Variants in SRSF11 observed in about 807,000 individuals in gnomAD.
SRSF11 encodes the protein serine and arginine rich splicing factor 11, also known as serine/arginine-rich splicing factor 11.
A neutral mutation model predicts 56.0 loss-of-function variants in SRSF11; 9 were observed. The ratio of observed to expected loss-of-function variants is 0.16; its 90% CI spans 0.10 to 0.28. The LOEUF (loss-of-function observed/expected upper bound fraction) is 0.28. Ranked by LOEUF, SRSF11 falls within the 10% of genes least tolerant of loss-of-function variation. SRSF11 has a pLI of 1.00. For missense variants in SRSF11, 421 were observed against 600.7 expected (o/e 0.70, Z 3.13); for synonymous variants, 222 against 215.3 (o/e 1.03, Z -0.27).
chr1:70,230,824 C>G, intron 2 of SRSF11: 1 of 1,171,592 alleles, frequency 8.5e-7, no homozygotes, highest in Non-Finnish European at 1.1e-6. Context: ...TGAATATATC[C>G]TCTTGAGACA....
At position 70,221,404 on chromosome 1, in the gene SRSF11, G is replaced by C. The variant is rs370804954; in HGVS notation, c.-233G>C. The stretch of plus-strand genomic sequence containing the variant: ...TAGTGTCGTGGTTGGAGGCGAGGTG[G>C]GGCGGCCGTTTGTTTTCTCGTGGTC... On this transcript the variant is annotated 5_prime_UTR_variant, in exon 1 of 12. Transcript: ENST00000370949. 1.4e-4 allele frequency: 77 copies of C among 538,214 alleles called. No homozygotes were observed. In the East Asian group the frequency reaches 2.2e-3, roughly 16 times the overall value. The allele number at this position is 538,214 out of a possible 1,614,324, so 33.3% of individuals were successfully genotyped here.
At chr1:70,228,651 C>G in intron 2 of SRSF11, 96 bp downstream of exon 2, 4 of 1,402,176 alleles carry the variant, frequency 2.9e-6, no homozygotes, top group Non-Finnish European at 3.7e-6. Flanking sequence ...TAAATCTAAG[C>G]TATTAACATT....
At chr1:70,205,709 C>T (rs1008688363), upstream of SRSF11, 3 of 597,956 alleles carry the variant, frequency 5.0e-6, no homozygotes, top group South Asian at 3.4e-5. Context: ...AGCACCAGCG[C>T]CTGGGCTGGA....
At chr1:70,207,362 C>T (rs976409021) in intron 1 of SRSF11, among the ~76,000 whole-genome samples, 5 of 152,102 alleles carry the variant, frequency 3.3e-5, no homozygotes, top group African/African-American at 4.8e-5. Context: ...ACTAATTTTG[C>T]AGATAAGGAA....
At position 70,240,770 on chromosome 1, in the gene SRSF11, C is replaced by CTTT. The variant is rs72113966; in HGVS notation, c.800+1270_800+1272dup. ...CTTTACATACCCCTCCATCACTGGA[C>CTTT]TTTTTTTTTTTTTTTTTTTTTTGAG... On this transcript the variant is annotated intron_variant, in intron 7 of 11. Transcript: ENST00000370949. Among the ~76,000 whole-genome samples, 192 of 109,874 alleles carry CTTT rather than the reference C, an allele frequency of 1.7e-3. 1 individual carries two copies. Among genetic ancestry groups the CTTT allele is most frequent in the East Asian group, 0.011 (37 of 3,332 alleles). The allele number at this position is 109,874 out of a possible 152,430, so 72.1% of individuals were successfully genotyped here.
At chr1:70,212,866 C>T (rs1025637954) in intron 1 of SRSF11, among the ~76,000 whole-genome samples, 2 of 151,894 alleles carry the variant, frequency 1.3e-5, no homozygotes, top group African/African-American at 4.8e-5. Flanking sequence ...GCCTGGGCAA[C>T]ATAGGGAGAT....
upstream of SRSF11, among the ~76,000 whole-genome samples, chr1:70,220,375 A>C (rs572957255): frequency 2.0e-5 from 3 of 152,238 alleles, no homozygotes; most frequent in African/African-American, 7.2e-5. Context: ...AGTTGAGAGA[A>C]TAGTTCAGAT....
rs148711784 is a variant in SRSF11 at position 70,216,304 on chromosome 1, C to A, written c.-25-5308C>A. ...TTTTTTTCAATGTAGTGGTTCCCTA[C>A]GTGTCCTACCTGTGAATCTTCAGAG... On this transcript the variant is annotated intron_variant, in intron 1 of 12. Transcript: ENST00000370950. Among the ~76,000 whole-genome samples, 1,083 of 152,002 alleles carry A rather than the reference C, an allele frequency of 7.1e-3. 9 individuals carry two copies. Among genetic ancestry groups the A allele is most frequent in the South Asian group, 0.031 (148 of 4,820 alleles).
Position 70,252,338 on chromosome 1 carries a change from G to C in SRSF11, c.*1533G>C, listed in dbSNP as rs1678074808. On this transcript the variant is annotated 3_prime_UTR_variant, in exon 12 of 12. Coordinates refer to ENST00000370949, the MANE Select transcript of SRSF11 (RefSeq NM_001350605.2). ...TGAAATACAGATATTTGCCTTTCTG[G>C]AGTAGTATAGAAGCTGTCAATATGT... 1 of 151,986 alleles carries C rather than the reference G, an allele frequency of 6.6e-6. No homozygotes were observed. The highest frequency in any genetic ancestry group is 2.4e-5 in the African/African-American group (1 of 41,388). The allele number at this position is 151,986 out of a possible 1,614,324, so 9.4% of individuals were successfully genotyped here. A position where few individuals can be genotyped will look rare whatever the true frequency, so the allele number is the denominator to read the frequency against.
At chr1:70,207,180 C>T (rs1411936130) in intron 1 of SRSF11, among the ~76,000 whole-genome samples, 2 of 152,104 alleles carry the variant, frequency 1.3e-5, no homozygotes, top group Non-Finnish European at 2.9e-5. Flanking sequence ...GTGTCAGTCG[C>T]CGTGCCCAGC....
rs1276500273 is a variant in SRSF11 at position 70,252,483 on chromosome 1, GGTTTT to G, written c.*1689_*1693del. 2.6e-5 allele frequency: 4 copies of G among 151,882 alleles called. No individual in the cohort carries two copies. The highest frequency in any genetic ancestry group is 7.2e-5 in the African/African-American group (3 of 41,434). The allele number at this position is 151,882 out of a possible 1,614,324, so 9.4% of individuals were successfully genotyped here. On this transcript the variant is annotated 3_prime_UTR_variant, in exon 12 of 12. Transcript: ENST00000370949. ...TTATCCAAGTTTTGAGTATAAATAG[GGTTTT>G]GTTTTGTTTTTTTTAACCTAAAAAC...
chr1:70,214,720 C>T (rs1242414734), intron 1 of SRSF11, among the ~76,000 whole-genome samples: 2 of 152,072 alleles, frequency 1.3e-5, no homozygotes, highest in Non-Finnish European at 2.9e-5. Flanking sequence ...CTAGTGCTAA[C>T]TCATCCTTAT....
chr1:70,212,285 C>G (rs1277914055), intron 1 of SRSF11, among the ~76,000 whole-genome samples: 1 of 152,026 alleles, frequency 6.6e-6, no homozygotes, highest in African/African-American at 2.4e-5. Context: ...GAGATGCAGT[C>G]TCACTCTGTC....
At chr1:70,207,780 C>T (rs943996524) in intron 1 of SRSF11, among the ~76,000 whole-genome samples, 1 of 149,604 alleles carries the variant, frequency 6.7e-6, no homozygotes, top group Non-Finnish European at 1.5e-5. Flanking sequence ...TGATGAAGTA[C>T]AGTGGTGCGA....
intron 7 of SRSF11, among the ~76,000 whole-genome samples, chr1:70,242,025 G>T (rs1249668635): frequency 6.6e-6 from 1 of 152,064 alleles, no homozygotes; most frequent in Non-Finnish European, 1.5e-5. Context: ...AAATCAGCTG[G>T]GTGTGGTGGC....
intron 2 of SRSF11, chr1:70,231,693 C>A: frequency 8.4e-7 from 1 of 1,191,604 alleles, no homozygotes; most frequent in South Asian, 1.6e-5. Context: ...AAAAGCCCTA[C>A]GCTTGATTCC....
Position 70,250,616 on chromosome 1 carries a change from A to C in SRSF11, c.1266A>C (p.Thr422=). 1 of 1,613,738 alleles carries C rather than the reference A, an allele frequency of 6.2e-7. No individual in the cohort carries two copies. The highest frequency in any genetic ancestry group is 8.5e-7 in the Non-Finnish European group (1 of 1,179,886). Residue 422 remains threonine (T), a synonymous_variant, in exon 12 of 12, where the codon ACA becomes ACC. Transcript: ENST00000370949. ...SESDKDVKQV[T]RDYDEEEQGY... The stretch of plus-strand genomic sequence containing the variant: ...TATTCTCCTTGGCAAAGCAGGTTAC[A>C]CGGGATTATGATGAAGAGGAACAGG...
intron 1 of SRSF11, among the ~76,000 whole-genome samples, chr1:70,227,926 G>A (rs1377693258): frequency 6.6e-6 from 1 of 152,168 alleles, no homozygotes; most frequent in Non-Finnish European, 1.5e-5. Context: ...GTAAAAGAGT[G>A]CAGGGCATGG....
intron 5 of SRSF11, among the ~76,000 whole-genome samples, chr1:70,236,344 T>G (rs1674026122): frequency 6.7e-6 from 1 of 148,882 alleles, no homozygotes; most frequent in Non-Finnish European, 1.5e-5. Flanking sequence ...TTTTTTTTTT[T>G]TTTTTGAGAC....
Sources: gnomAD v4.1 joint callset for allele counts (sites outside exome capture counted in the v4.1 genomes callset) on GRCh38, gnomAD v4.1.1 for gene constraint, MANE v1.5 for transcripts, NCBI Gene and HGNC (gene_info 2026-07-23, HGNC 2026-07-21) for gene names.